Variants in PEMT observed in about 807,000 individuals in gnomAD.
PEMT encodes phosphatidylethanolamine N-methyltransferase.
PEMT carries 23 observed loss-of-function variants against 27.4 expected under a neutral mutation model. That is an observed-to-expected ratio of 0.84 (90% CI 0.60 to 1.19). The LOEUF is 1.19. Ranked by LOEUF, PEMT falls within the 50% of genes most tolerant of loss-of-function variation. PEMT has a pLI of 0.00. For missense variants in PEMT, 307 were observed against 310.1 expected (o/e 0.99, Z 0.07); for synonymous variants, 137 against 139.1 (o/e 0.98, Z 0.11).
In PEMT at chr17:17,528,234, G is replaced by A. The variant is rs188088295; in HGVS notation, c.205-5839C>T. 4.9e-4 allele frequency among the ~76,000 whole-genome samples: 75 copies of A among 152,218 alleles called. 1 individual carries two copies. The highest frequency in any genetic ancestry group is 4.3e-3 in the Admixed American group (66 of 15,284). ...TTGCCTCCCGAACCGCCCCCATCTC[G>A]CTTCTACAGCTGGACCCACCCCTCT... On this transcript the variant is annotated intron_variant, in intron 2 of 6. Transcript: ENST00000255389.
intron 1 of PEMT, among the ~76,000 whole-genome samples, chr17:17,586,533 G>A (rs1203067547): frequency 6.6e-6 from 1 of 152,174 alleles, no homozygotes; most frequent in Non-Finnish European, 1.5e-5. Flanking sequence ...AAGCGATCGT[G>A]GAAAGAATGC....
chr17:17,567,206 G>T (rs927776690), intron 2 of PEMT, among the ~76,000 whole-genome samples: 2 of 152,220 alleles, frequency 1.3e-5, no homozygotes, highest in African/African-American at 4.8e-5. Flanking sequence ...GCTCCAGGTG[G>T]GAGTGCGCTC....
chr17:17,547,846 C>T (rs1237170935), intron 2 of PEMT, among the ~76,000 whole-genome samples: 1 of 152,168 alleles, frequency 6.6e-6, no homozygotes, highest in African/African-American at 2.4e-5. Flanking sequence ...ATGACAGGAG[C>T]CAGAACACGC....
intron 2 of PEMT, among the ~76,000 whole-genome samples, chr17:17,568,505 T>C (rs1910980219): frequency 6.6e-6 from 1 of 152,146 alleles, no homozygotes; most frequent in African/African-American, 2.4e-5. Flanking sequence ...AGCGCAGGGA[T>C]TGCAGCATTT....
At chr17:17,570,938 C>A in intron 2 of PEMT, 2 of 984,500 alleles carry the variant, frequency 2.0e-6, no homozygotes, top group Non-Finnish European at 2.4e-6. Context: ...AGGGAAAGAA[C>A]AGAACATTGG....
At chr17:17,507,161 A>G (rs1403120591) in intron 5 of PEMT, 3 of 1,560,036 alleles carry the variant, frequency 1.9e-6, no homozygotes, top group East Asian at 2.4e-5. Context: ...ATCTATTTCT[A>G]TAGTTACCTC....
At chr17:17,520,986 C>T (rs1000600716) in intron 3 of PEMT, among the ~76,000 whole-genome samples, 5 of 152,256 alleles carry the variant, frequency 3.3e-5, no homozygotes, top group African/African-American at 1.2e-4. Context: ...GCAAGGCCTG[C>T]CCCGGCTCCG....
chr17:17,507,071 G>T, intron 5 of PEMT: 1 of 1,164,114 alleles, frequency 8.6e-7, no homozygotes. Flanking sequence ...AGCAGCGGCA[G>T]CTCGTCAGTG....
At chr17:17,540,535 C>A (rs1031580037) in intron 2 of PEMT, among the ~76,000 whole-genome samples, 31 of 152,160 alleles carry the variant, frequency 2.0e-4, no homozygotes, top group Non-Finnish European at 4.3e-4. Flanking sequence ...GTCAGGAGCA[C>A]CAGCTGGCCT....
chr17:17,547,522 A>G (rs889348262), intron 2 of PEMT, among the ~76,000 whole-genome samples: 9 of 152,244 alleles, frequency 5.9e-5, no homozygotes, highest in African/African-American at 2.2e-4. Flanking sequence ...AAAAGCAGAC[A>G]CCACACAGAA....
chr17:17,566,535 C>T (rs1288920236), intron 2 of PEMT, among the ~76,000 whole-genome samples: 4 of 152,186 alleles, frequency 2.6e-5, no homozygotes, highest in Non-Finnish European at 4.4e-5. Flanking sequence ...TCAGCACTGC[C>T]GCAGGGTTCA....
chr17:17,578,721 T>C (rs1911784155), intron 1 of PEMT: 1 of 151,978 alleles, frequency 6.6e-6, no homozygotes, highest in Non-Finnish European at 1.5e-5. Context: ...TACAAATTCA[T>C]GAAGCGTTCC....
chr17:17,554,897 C>T (rs1909939898), intron 2 of PEMT, among the ~76,000 whole-genome samples: 2 of 152,096 alleles, frequency 1.3e-5, no homozygotes, highest in Admixed American at 6.6e-5. Flanking sequence ...ATTACAGGCA[C>T]GAGCCATCGC....
rs8070432 is a variant in PEMT at position 17,577,160 on chromosome 17, T to C, written c.97-133A>G. On this transcript the variant is annotated intron_variant, in intron 1 of 6. Coordinates refer to ENST00000255389, the MANE Select transcript of PEMT (RefSeq NM_148172.3). ...AACATCCAAGTCCGGCAAAGGTTAC[T>C]ACAGTGTAGTCTCATAAAAGGGAAG... The C allele has an allele frequency of 0.069, 47,114 of 681,508 alleles. 2,735 individuals carry two copies. Among genetic ancestry groups the C allele is most frequent in the African/African-American group, 0.24 (13,598 of 56,294 alleles). 42.2% of individuals were successfully genotyped at this position (681,508 alleles called of 1,614,324 possible).
intron 5 of PEMT, chr17:17,506,869 C>A (rs530865095): frequency 6.8e-6 from 3 of 443,084 alleles, no homozygotes; most frequent in Non-Finnish European, 8.1e-6. Flanking sequence ...CCGCCCCGCC[C>A]AGCCCTCAAC....
intron 2 of PEMT, among the ~76,000 whole-genome samples, chr17:17,558,451 T>C (rs1286297279): frequency 6.6e-6 from 1 of 151,604 alleles, no homozygotes; most frequent in Admixed American, 6.6e-5. Context: ...GGGGTTGCAG[T>C]GAGCTGAGAT....
rs189448564 is a variant in PEMT at position 17,552,805 on chromosome 17, C to T, written c.204+24115G>A. ...CCCGCACCTGACTTTCTGAGCTCCC[C>T]AGGGCAGGGGCGTGTCTCAGCGCTG... On this transcript the variant is annotated intron_variant, in intron 2 of 6. Coordinates refer to ENST00000255389, the MANE Select transcript of PEMT (RefSeq NM_148172.3). 4.5e-3 allele frequency among the ~76,000 whole-genome samples: 692 copies of T among 152,376 alleles called. 3 individuals are homozygous for T. Among genetic ancestry groups the T allele is most frequent in the Non-Finnish European group, 6.6e-3 (451 of 68,038 alleles).
chr17:17,533,491 A>C (rs947299073), intron 2 of PEMT, among the ~76,000 whole-genome samples: 2 of 152,254 alleles, frequency 1.3e-5, no homozygotes, highest in African/African-American at 4.8e-5. Flanking sequence ...GCTTTATCAA[A>C]TATTTAGACT....
intron 1 of PEMT, among the ~76,000 whole-genome samples, chr17:17,589,914 G>A (rs1006314299): frequency 1.3e-5 from 2 of 152,176 alleles, no homozygotes; most frequent in Admixed American, 1.3e-4. Flanking sequence ...CACAGCCCTG[G>A]GGAGAAAGGA....
Sources: gnomAD v4.1 joint callset for allele counts (sites outside exome capture counted in the v4.1 genomes callset) on GRCh38, gnomAD v4.1.1 for gene constraint, MANE v1.5 for transcripts, NCBI Gene and HGNC (gene_info 2026-07-23, HGNC 2026-07-21) for gene names.